Variants in MAP3K7 observed in about 807,000 individuals in gnomAD.
MAP3K7 encodes TGF-beta activated kinase 1.
Under a neutral mutation model 84.8 loss-of-function variants are expected in MAP3K7, and 21 were observed. That is an observed-to-expected ratio of 0.25 (90% CI 0.18 to 0.36). The LOEUF (loss-of-function observed/expected upper bound fraction) is 0.36, where lower values mean the gene tolerates loss of function less well. Ranked by LOEUF, MAP3K7 falls within the 10% of genes least tolerant of loss-of-function variation. The pLI, the probability that MAP3K7 is intolerant of heterozygous loss-of-function variation, is 1.00. For synonymous variants in MAP3K7, 241 were observed against 247.7 expected, an observed-to-expected ratio of 0.97 and a Z score of 0.25; for missense variants, 503 against 747.7, an observed-to-expected ratio of 0.67 and a Z score of 3.82.
chr6:90,546,453 A>C (rs1472806453), intron 11 of MAP3K7, among the ~76,000 whole-genome samples: 1 of 152,160 alleles, frequency 6.6e-6, no homozygotes, highest in Non-Finnish European at 1.5e-5. Flanking sequence ...GTAATTATGT[A>C]AGTTTTTTTG....
intron 1 of MAP3K7, among the ~76,000 whole-genome samples, chr6:90,585,123 CAG>C (rs1283454194): frequency 3.9e-5 from 6 of 152,210 alleles, no homozygotes; most frequent in South Asian, 2.1e-4. Flanking sequence ...TAAAATGAAA[CAG>C]AATTTATTAG....
At chr6:90,570,662 T>G (rs1776871275) in intron 2 of MAP3K7, among the ~76,000 whole-genome samples, 1 of 152,176 alleles carries the variant, frequency 6.6e-6, no homozygotes, top group African/African-American at 2.4e-5. Flanking sequence ...AACCATTTGA[T>G]TTTTTACATT....
In MAP3K7 at chr6:90,550,555, T is replaced by C. The variant is rs1562094566; in HGVS notation, c.868-6A>G. 7 of 1,566,802 alleles carry C rather than the reference T, an allele frequency of 4.5e-6. No homozygotes were observed. The highest frequency in any genetic ancestry group is 6.1e-6 in the Non-Finnish European group (7 of 1,143,734). ...TCATCTGCTCCTGGAAAGTACTATATATAAAAAAGTAAACCACAGCTTAAA... is the reference window on the plus strand; with the variant it reads ...TCATCTGCTCCTGGAAAGTACTATACATAAAAAAGTAAACCACAGCTTAAA... On this transcript the variant is annotated splice_region_variant and splice_polypyrimidine_tract_variant and intron_variant, in intron 8 of 16. Coordinates refer to ENST00000369329, the MANE Select transcript of MAP3K7 (RefSeq NM_145331.3).
At chr6:90,580,773 T>G (rs1460738422) in intron 1 of MAP3K7, among the ~76,000 whole-genome samples, 1 of 152,206 alleles carries the variant, frequency 6.6e-6, no homozygotes, top group Non-Finnish European at 1.5e-5. Flanking sequence ...TTCATAATCC[T>G]TCATTTGTAA....
chr6:90,544,969 G>C (rs1775958477), intron 11 of MAP3K7, among the ~76,000 whole-genome samples: 1 of 152,158 alleles, frequency 6.6e-6, no homozygotes, highest in African/African-American at 2.4e-5. Flanking sequence ...CTGTGATGGG[G>C]GTGGGGGAAC....
At chr6:90,566,944 C>G (rs1776727070) in intron 3 of MAP3K7, among the ~76,000 whole-genome samples, 1 of 152,008 alleles carries the variant, frequency 6.6e-6, no homozygotes, top group Non-Finnish European at 1.5e-5. Context: ...ACAAACCTGA[C>G]AAAAACAAGA....
At chr6:90,560,375 T>C (rs967618178) in intron 4 of MAP3K7, among the ~76,000 whole-genome samples, 161 bp from the exon 5 acceptor site, 17 of 152,196 alleles carry the variant, frequency 1.1e-4, no homozygotes, top group African/African-American at 3.9e-4. Context: ...TTTCTTTTTG[T>C]TTTTTGAGAC....
At chr6:90,553,180 C>T (rs1003378182) in intron 7 of MAP3K7, among the ~76,000 whole-genome samples, 1 of 152,042 alleles carries the variant, frequency 6.6e-6, no homozygotes, top group African/African-American at 2.4e-5. Context: ...TAAGAGAGAG[C>T]CAACTGTCTA....
intron 12 of MAP3K7, among the ~76,000 whole-genome samples, chr6:90,538,151 T>A (rs768587224): frequency 2.0e-5 from 3 of 151,920 alleles, no homozygotes; most frequent in Non-Finnish European, 2.9e-5. Flanking sequence ...GCATTTTAAT[T>A]AGCACAACCA....
chr6:90,542,216 G>A (rs961780859), intron 12 of MAP3K7: 55 of 981,900 alleles, frequency 5.6e-5, no homozygotes, highest in Admixed American at 1.9e-4. Flanking sequence ...CCAAAGGATG[G>A]GCGGTATTTT....
intron 6 of MAP3K7, among the ~76,000 whole-genome samples, chr6:90,555,763 G>GTT (rs1393267568): frequency 2.6e-5 from 4 of 152,242 alleles, no homozygotes; most frequent in Admixed American, 2.6e-4. Flanking sequence ...TGGTCACCAT[G>GTT]TTTTTGTCAA....
intron 9 of MAP3K7, 60 bp from the exon 10 acceptor site, chr6:90,548,237 G>A: frequency 7.0e-7 from 1 of 1,419,010 alleles, no homozygotes; most frequent in Admixed American, 2.1e-5. Context: ...GCTTCACTTG[G>A]TATTATGTAA....
In MAP3K7 at chr6:90,560,064, A is replaced by C. The variant is rs1283528841; in HGVS notation, c.482+12T>G. On this transcript the variant is annotated intron_variant, in intron 5 of 16. Transcript: ENST00000369329. ...GGAAGAGGCTGAGGGGTGTCACATTATTATAACTTACTTTGGTGGTTTCAG... is the reference window on the plus strand; with the variant it reads ...GGAAGAGGCTGAGGGGTGTCACATTCTTATAACTTACTTTGGTGGTTTCAG... 2.5e-6 allele frequency: 4 copies of C among 1,614,036 alleles called. No homozygotes were observed. The highest frequency in any genetic ancestry group is 3.4e-6 in the Non-Finnish European group (4 of 1,180,032).
chr6:90,523,570 AAC>A (rs2127957198), intron 14 of MAP3K7, 106 bp downstream of exon 14: 1 of 604,718 alleles, frequency 1.7e-6, no homozygotes, highest in Non-Finnish European at 2.9e-6. Context: ...TAAAAATCTA[AAC>A]AACAGTATAA....
chr6:90,574,854 A>T (rs1777020779), intron 1 of MAP3K7, among the ~76,000 whole-genome samples: 1 of 152,224 alleles, frequency 6.6e-6, no homozygotes, highest in Non-Finnish European at 1.5e-5. Flanking sequence ...TCAAGAAAGC[A>T]ATTTTCTAGA....
intron 13 of MAP3K7, among the ~76,000 whole-genome samples, chr6:90,530,763 A>G (rs1406958338): frequency 3.9e-5 from 6 of 152,222 alleles, no homozygotes; most frequent in Non-Finnish European, 7.4e-5. Context: ...TACAAGGCAT[A>G]AATAAGAGGA....
At chr6:90,569,740 T>C (rs1176094060) in intron 2 of MAP3K7, among the ~76,000 whole-genome samples, 4 of 152,090 alleles carry the variant, frequency 2.6e-5, no homozygotes, top group African/African-American at 9.7e-5. Context: ...TTCCCAAAGT[T>C]CTGGGATTAC....
In MAP3K7 at chr6:90,514,158, C is replaced by G. The variant is rs774645021; in HGVS notation, c.*2343G>C. 13 of 151,822 alleles carry G rather than the reference C, an allele frequency of 8.6e-5. No individual in the cohort carries two copies. The highest frequency in any genetic ancestry group is 1.2e-4 in the Non-Finnish European group (8 of 67,920). The allele number at this position is 151,822 out of a possible 1,614,324, so 9.4% of individuals were successfully genotyped here. A position where few individuals can be genotyped will look rare whatever the true frequency, so the allele number is the denominator to read the frequency against. Reference sequence around the variant, plus strand: ...TGCTTGGCTGTTTGCAATTTTCACCCAAAAAACGGTCAAAATAAATTGTAA... The same window carrying G: ...TGCTTGGCTGTTTGCAATTTTCACCGAAAAAACGGTCAAAATAAATTGTAA... On this transcript the variant is annotated 3_prime_UTR_variant, in exon 17 of 17. Coordinates refer to ENST00000369329, the MANE Select transcript of MAP3K7 (RefSeq NM_145331.3).
At chr6:90,528,520 T>C (rs894149588) in intron 13 of MAP3K7, among the ~76,000 whole-genome samples, 4 of 152,228 alleles carry the variant, frequency 2.6e-5, no homozygotes, top group African/African-American at 9.6e-5. Flanking sequence ...GCTAAAATTA[T>C]ATGATTTTAG....
Sources: gnomAD v4.1 joint callset for allele counts (sites outside exome capture counted in the v4.1 genomes callset) on GRCh38, gnomAD v4.1.1 for gene constraint, MANE v1.5 for transcripts, NCBI Gene and HGNC (gene_info 2026-07-23, HGNC 2026-07-21) for gene names.